RUNDC3B: variants seen among roughly 807,000 people sequenced by gnomAD.
The protein encoded by RUNDC3B is RUN domain-containing protein 3B.
In RUNDC3B, 33 loss-of-function variants were observed where a neutral mutation model predicts 58.4. That is an observed-to-expected ratio of 0.56 (90% CI 0.43 to 0.75). The LOEUF (loss-of-function observed/expected upper bound fraction) is 0.75, where lower values mean the gene tolerates loss of function less well. RUNDC3B is among the 30% of genes least tolerant of loss of function. The pLI is 0.00. For missense variants in RUNDC3B, 501 were observed against 535.7 expected (o/e 0.94, Z 0.64); for synonymous variants, 193 against 195.2 (o/e 0.99, Z 0.10).
At chr7:87,637,067 T>C (rs946009600) in intron 1 of RUNDC3B, among the ~76,000 whole-genome samples, 2 of 152,174 alleles carry the variant, frequency 1.3e-5, no homozygotes, top group Non-Finnish European at 2.9e-5. Flanking sequence ...GAGACTAGCA[T>C]GGGGGAAAAC....
intron 8 of RUNDC3B, among the ~76,000 whole-genome samples, chr7:87,790,118 A>G (rs1044545196): frequency 6.6e-6 from 1 of 152,230 alleles, no homozygotes; most frequent in Non-Finnish European, 1.5e-5. Flanking sequence ...GTGCAGTCCC[A>G]GTGATGGTGG....
chr7:87,667,482 T>C (rs1361340622), intron 2 of RUNDC3B, among the ~76,000 whole-genome samples: 1 of 152,154 alleles, frequency 6.6e-6, no homozygotes, highest in Non-Finnish European at 1.5e-5. Context: ...TGCCCTTTAT[T>C]TCTTTCTCTT....
At chr7:87,690,730 A>G (rs1827936573) in intron 2 of RUNDC3B, among the ~76,000 whole-genome samples, 1 of 152,176 alleles carries the variant, frequency 6.6e-6, no homozygotes. Flanking sequence ...GTAATAGAAT[A>G]TGTTCTATAT....
chr7:87,632,394 G>GT (rs796673014), intron 1 of RUNDC3B, among the ~76,000 whole-genome samples: 30 of 151,952 alleles, frequency 2.0e-4, no homozygotes, highest in African/African-American at 1.2e-4. Context: ...TAATTCATTA[G>GT]TTTTTTTTAG....
At chr7:87,660,432 A>G (rs1449285685) in intron 2 of RUNDC3B, among the ~76,000 whole-genome samples, 1 of 152,146 alleles carries the variant, frequency 6.6e-6, no homozygotes, top group Non-Finnish European at 1.5e-5. Flanking sequence ...CACTTAAAGT[A>G]GATTAATTCA....
chr7:87,759,377 A>C, intron 6 of RUNDC3B, among the ~76,000 whole-genome samples: 1 of 152,174 alleles, frequency 6.6e-6, no homozygotes, highest in East Asian at 1.9e-4. Flanking sequence ...AATGGGTATA[A>C]AAACATAGTT....
intron 9 of RUNDC3B, among the ~76,000 whole-genome samples, chr7:87,807,809 T>G (rs1584255655): frequency 1.3e-5 from 2 of 152,174 alleles, no homozygotes; most frequent in East Asian, 3.9e-4. Context: ...GTGTGGTATT[T>G]GCCTTAGGAC....
intron 2 of RUNDC3B, among the ~76,000 whole-genome samples, chr7:87,664,059 C>T (rs1824985542): frequency 6.6e-6 from 1 of 152,130 alleles, no homozygotes; most frequent in Non-Finnish European, 1.5e-5. Context: ...TTTCATACAG[C>T]ATTTATCAAT....
At chr7:87,637,590 T>G (rs751979941) in intron 1 of RUNDC3B, among the ~76,000 whole-genome samples, 3 of 152,130 alleles carry the variant, frequency 2.0e-5, no homozygotes, top group Non-Finnish European at 2.9e-5. Context: ...TTCTAGAATT[T>G]TTCTCAATAA....
chr7:87,720,225 C>T (rs1290877264), intron 4 of RUNDC3B, among the ~76,000 whole-genome samples: 2 of 151,930 alleles, frequency 1.3e-5, no homozygotes, highest in Non-Finnish European at 2.9e-5. Flanking sequence ...GACATATGAA[C>T]ATTTATTTAA....
At chr7:87,743,755 C>G (rs1256381885) in intron 6 of RUNDC3B, among the ~76,000 whole-genome samples, 1 of 152,002 alleles carries the variant, frequency 6.6e-6, no homozygotes, top group African/African-American at 2.4e-5. Context: ...TTTTCTCCTC[C>G]TCTGTGGGTT....
chr7:87,710,804 T>C, intron 4 of RUNDC3B, 149 bp downstream of exon 4: 1 of 512,254 alleles, frequency 2.0e-6, no homozygotes, highest in Non-Finnish European at 3.5e-6. Context: ...CACTGTCTTC[T>C]TAGGAAAATG....
Position 87,773,658 on chromosome 7 carries a change from C to T in RUNDC3B, c.798+2909C>T, listed in dbSNP as rs200867177. 4.9e-3 allele frequency among the ~76,000 whole-genome samples: 716 copies of T among 147,280 alleles called. 2 individuals are homozygous for T. Among genetic ancestry groups the T allele is most frequent in the African/African-American group, 0.011 (435 of 39,736 alleles). On this transcript the variant is annotated intron_variant, in intron 7 of 10. Transcript: ENST00000394654. ...TTGGTTTGTTTTGTTTTTGTCTTGTCTTGTTTTGTTTTGTTTTGTTTTGTT... is the reference window on the plus strand; with the variant it reads ...TTGGTTTGTTTTGTTTTTGTCTTGTTTTGTTTTGTTTTGTTTTGTTTTGTT...
At chr7:87,768,923 T>C (rs996279180) in intron 6 of RUNDC3B, among the ~76,000 whole-genome samples, 3 of 152,122 alleles carry the variant, frequency 2.0e-5, no homozygotes, top group Non-Finnish European at 2.9e-5. Flanking sequence ...TTTTTTTTTT[T>C]CAATTATGAT....
At chr7:87,791,284 A>G (rs1835509787) in intron 8 of RUNDC3B, among the ~76,000 whole-genome samples, 1 of 152,104 alleles carries the variant, frequency 6.6e-6, no homozygotes. Context: ...AGACACACAA[A>G]AGCTGAGGGA....
At chr7:87,725,832 T>C (rs1002900878) in intron 4 of RUNDC3B, among the ~76,000 whole-genome samples, 1 of 152,252 alleles carries the variant, frequency 6.6e-6, no homozygotes, top group African/African-American at 2.4e-5. Context: ...TGCATTTCTC[T>C]GATGGCCAGT....
At chr7:87,670,713 T>C (rs1194761878) in intron 2 of RUNDC3B, among the ~76,000 whole-genome samples, 1 of 152,204 alleles carries the variant, frequency 6.6e-6, no homozygotes, top group Admixed American at 6.5e-5. Flanking sequence ...GCTGACTTCT[T>C]GACTCTGGTT....
intron 2 of RUNDC3B, among the ~76,000 whole-genome samples, chr7:87,697,177 C>T (rs534012773): frequency 1.3e-5 from 2 of 152,254 alleles, no homozygotes; most frequent in African/African-American, 2.4e-5. Context: ...ACAACCTATG[C>T]TTTATCTTTC....
chr7:87,813,478 A>G (rs933763930), intron 9 of RUNDC3B, among the ~76,000 whole-genome samples: 3 of 152,030 alleles, frequency 2.0e-5, no homozygotes, highest in Non-Finnish European at 4.4e-5. Flanking sequence ...GTTTGTAACT[A>G]TTTCTATATA....
Sources: gnomAD v4.1 joint callset for allele counts (sites outside exome capture counted in the v4.1 genomes callset) on GRCh38, gnomAD v4.1.1 for gene constraint, MANE v1.5 for transcripts, NCBI Gene and HGNC (gene_info 2026-07-23, HGNC 2026-07-21) for gene names.